Variants in SNX29 observed in about 807,000 individuals in gnomAD.
SNX29 encodes the protein sorting nexin 29.
SNX29 carries 78 observed loss-of-function variants against 102.1 expected under a neutral mutation model. The observed-to-expected ratio is 0.76, with a 90% CI of 0.64 to 0.92. SNX29 has a LOEUF of 0.92. Among genes scored for constraint, SNX29 ranks in the 40% least tolerant of loss-of-function variants. The pLI is 0.00. For synonymous variants in SNX29, 580 were observed against 414.5 expected (o/e 1.40, Z -4.85); for missense variants, 1,280 against 1,061.7 (o/e 1.21, Z -2.86).
At chr16:12,405,471 G>T (rs192536981) in intron 18 of SNX29, among the ~76,000 whole-genome samples, 1 of 152,168 alleles carries the variant, frequency 6.6e-6, no homozygotes, top group Non-Finnish European at 1.5e-5. Context: ...GCTCTGCATC[G>T]CTGGGAGCAA....
chr16:12,059,484 G>A (rs1195845005), intron 8 of SNX29, among the ~76,000 whole-genome samples: 2 of 152,210 alleles, frequency 1.3e-5, no homozygotes, highest in Non-Finnish European at 2.9e-5. Flanking sequence ...CCTCATTGTG[G>A]TATGGGCATG....
chr16:12,115,783 CCTTT>C (rs1256301214), intron 11 of SNX29, among the ~76,000 whole-genome samples: 8 of 152,336 alleles, frequency 5.3e-5, no homozygotes, highest in Admixed American at 2.6e-4. Context: ...CTCCTCGAGG[CCTTT>C]CTTTGTGAAA....
At chr16:12,516,807 G>A (rs909720772) in intron 19 of SNX29, among the ~76,000 whole-genome samples, 8 of 152,284 alleles carry the variant, frequency 5.3e-5, no homozygotes, top group South Asian at 4.1e-4. Flanking sequence ...CGGGACATGC[G>A]TTGCAAAGAC....
At chr16:12,396,997 C>T (rs2083747191) in intron 16 of SNX29, among the ~76,000 whole-genome samples, 1 of 152,192 alleles carries the variant, frequency 6.6e-6, no homozygotes, top group Admixed American at 6.5e-5. Context: ...GTGATGCTCC[C>T]ACGTCAGCCT....
intron 15 of SNX29, among the ~76,000 whole-genome samples, chr16:12,341,680 A>G (rs1020904481): frequency 4.6e-5 from 7 of 152,238 alleles, no homozygotes; most frequent in African/African-American, 1.4e-4. Flanking sequence ...GTTACAGGGA[A>G]GGGATGGTGC....
chr16:12,192,772 G>A (rs571338493), intron 13 of SNX29, among the ~76,000 whole-genome samples: 8 of 152,140 alleles, frequency 5.3e-5, no homozygotes, highest in African/African-American at 1.2e-4. Flanking sequence ...GCACGATCTC[G>A]GCTCACTGCA....
intron 3 of SNX29, among the ~76,000 whole-genome samples, chr16:12,009,998 T>A (rs1213384113): frequency 6.6e-6 from 1 of 152,212 alleles, no homozygotes; most frequent in Non-Finnish European, 1.5e-5. Flanking sequence ...CTTTGGAGCT[T>A]GGCATTTGAA....
At chr16:12,189,030 A>G (rs1020341081) in intron 13 of SNX29, among the ~76,000 whole-genome samples, 1 of 152,216 alleles carries the variant, frequency 6.6e-6, no homozygotes, top group African/African-American at 2.4e-5. Context: ...AGAGTGGCCC[A>G]GAAGTGTCCT....
intron 11 of SNX29, among the ~76,000 whole-genome samples, chr16:12,082,300 C>A (rs2051940629): frequency 6.6e-6 from 1 of 152,088 alleles, no homozygotes; most frequent in Non-Finnish European, 1.5e-5. Flanking sequence ...TGTGCCCTGG[C>A]AGGTGTCTGA....
chr16:12,358,300 C>G (rs2082201033), intron 16 of SNX29, among the ~76,000 whole-genome samples: 1 of 152,146 alleles, frequency 6.6e-6, no homozygotes, highest in African/African-American at 2.4e-5. Context: ...ATTCCCGTAG[C>G]CCTTGTTGTA....
chr16:12,215,471 G>T lies in SNX29; in HGVS notation c.1678+15788G>T, dbSNP rs1012044832. On this transcript the variant is annotated intron_variant, in intron 14 of 20. Coordinates refer to ENST00000566228, the MANE Select transcript of SNX29 (RefSeq NM_032167.5). ...GCAGGGCCTGGATCTCTGATGTCCT[G>T]ATACAGAAGTGAGTAATACTCTATA... Among the ~76,000 whole-genome samples the T allele has an allele frequency of 2.6e-5, 4 of 152,142 alleles. No homozygotes were observed. In the South Asian group the frequency reaches 8.3e-4, roughly 32 times the overall value.
chr16:12,539,395 G>C (rs1010773322), intron 20 of SNX29, among the ~76,000 whole-genome samples: 1 of 152,078 alleles, frequency 6.6e-6, no homozygotes, highest in Non-Finnish European at 1.5e-5. Flanking sequence ...TTCAGCATGT[G>C]TGAGAACCGT....
At chr16:12,436,598 T>C (rs1448711299) in intron 18 of SNX29, among the ~76,000 whole-genome samples, 1 of 152,226 alleles carries the variant, frequency 6.6e-6, no homozygotes, top group African/African-American at 2.4e-5. Flanking sequence ...CTGGAAGGAC[T>C]CTTCAGGGTC....
intron 20 of SNX29, among the ~76,000 whole-genome samples, chr16:12,565,616 G>A (rs537572103): frequency 2.6e-5 from 4 of 152,260 alleles, no homozygotes; most frequent in African/African-American, 4.8e-5. Context: ...GACTTCCCAG[G>A]TGCCAGGCAC....
At chr16:12,143,474 C>G (rs376960341) in intron 13 of SNX29, among the ~76,000 whole-genome samples, 1 of 152,194 alleles carries the variant, frequency 6.6e-6, no homozygotes, top group Non-Finnish European at 1.5e-5. Context: ...AGGCGGTGCT[C>G]GTCCTTAGTG....
chr16:12,149,605 C>T (rs893025439), intron 13 of SNX29, among the ~76,000 whole-genome samples: 3 of 152,188 alleles, frequency 2.0e-5, no homozygotes, highest in Admixed American at 6.5e-5. Context: ...GCAGTAAGCA[C>T]TTGCTAGCAT....
chr16:12,039,498 G>C (rs1596663586), intron 4 of SNX29, among the ~76,000 whole-genome samples: 2 of 152,218 alleles, frequency 1.3e-5, no homozygotes, highest in African/African-American at 4.8e-5. Context: ...AGAATGCAGT[G>C]GATCCTAGTG....
intron 3 of SNX29, among the ~76,000 whole-genome samples, chr16:12,013,111 T>C (rs1328664578): frequency 1.3e-5 from 2 of 151,482 alleles, no homozygotes; most frequent in Non-Finnish European, 2.9e-5. Context: ...AGGATTGAGG[T>C]TTGGGACTGA....
intron 3 of SNX29, among the ~76,000 whole-genome samples, chr16:12,014,937 A>C (rs1442809621): frequency 6.6e-6 from 1 of 152,088 alleles, no homozygotes; most frequent in East Asian, 1.9e-4. Context: ...GTTGCAAAGC[A>C]TGAATTTTTT....
Sources: allele counts gnomAD v4.1 joint callset (sites outside exome capture counted in the v4.1 genomes callset), GRCh38; gene constraint gnomAD v4.1.1; transcripts MANE v1.5; gene names NCBI Gene and HGNC (gene_info 2026-07-23, HGNC 2026-07-21).